Variants in ZMYM4 observed in about 807,000 individuals in gnomAD.
ZMYM4 encodes the protein zinc finger MYM-type containing 4, also known as zinc finger MYM-type protein 4.
ZMYM4 carries 31 observed loss-of-function variants against 183.2 expected under a neutral mutation model. That is an observed-to-expected ratio of 0.17 (90% CI 0.13 to 0.23). ZMYM4 has a LOEUF of 0.23. Ranked by LOEUF, ZMYM4 falls within the 10% of genes least tolerant of loss-of-function variation. ZMYM4 has a pLI of 1.00. For synonymous variants in ZMYM4, 592 were observed against 631.2 expected (o/e 0.94, Z 0.93); for missense variants, 1,273 against 1,840.3 (o/e 0.69, Z 5.64).
At chr1:35,272,107 ATGTGG>A (rs1639637699) in intron 1 of ZMYM4, among the ~76,000 whole-genome samples, 8 of 152,140 alleles carry the variant, frequency 5.3e-5, no homozygotes, top group Admixed American at 1.3e-4. Flanking sequence ...GCCAAATTAC[ATGTGG>A]ATTCCATATG....
chr1:35,279,472 A>G (rs967932801), intron 1 of ZMYM4, among the ~76,000 whole-genome samples: 2 of 152,198 alleles, frequency 1.3e-5, no homozygotes, highest in African/African-American at 4.8e-5. Context: ...TATCTTCAGC[A>G]TATGGTTGTC....
chr1:35,417,154 T>C (rs1248714581), intron 28 of ZMYM4, among the ~76,000 whole-genome samples: 5 of 151,864 alleles, frequency 3.3e-5, no homozygotes, highest in Non-Finnish European at 7.4e-5. Flanking sequence ...GGAGGATTGC[T>C]TGACCCCAGG....
chr1:35,413,186 G>T lies in ZMYM4; in HGVS notation c.3949-786G>T, dbSNP rs759748712. Among the ~76,000 whole-genome samples the T allele has an allele frequency of 1.3e-3, 204 of 151,918 alleles. 4 individuals are homozygous for T. Among genetic ancestry groups the T allele is most frequent in the African/African-American group, 4.4e-3 (182 of 41,348 alleles). On this transcript the variant is annotated intron_variant, in intron 26 of 29. Coordinates refer to ENST00000314607, the MANE Select transcript of ZMYM4 (RefSeq NM_005095.3). ...GACTCCCAAGCAGTTAGGACTACAGGCATGCACCACCACCCCTGGCTATTT... is the reference window on the plus strand; with the variant it reads ...GACTCCCAAGCAGTTAGGACTACAGTCATGCACCACCACCCCTGGCTATTT...
intron 7 of ZMYM4, among the ~76,000 whole-genome samples, chr1:35,380,886 T>C (rs899972138): frequency 1.3e-5 from 2 of 152,180 alleles, no homozygotes; most frequent in African/African-American, 4.8e-5. Flanking sequence ...TTGACAATGT[T>C]AAATGTAATA....
chr1:35,308,324 T>C (rs572584677), intron 1 of ZMYM4, among the ~76,000 whole-genome samples: 5 of 152,332 alleles, frequency 3.3e-5, no homozygotes, highest in Admixed American at 3.3e-4. Flanking sequence ...TTTATTCACT[T>C]AATAATATGT....
intron 1 of ZMYM4, among the ~76,000 whole-genome samples, chr1:35,275,916 C>T (rs1302965173): frequency 1.3e-5 from 2 of 152,148 alleles, no homozygotes; most frequent in Non-Finnish European, 2.9e-5. Context: ...CCTTCTCATA[C>T]CTATACCCAC....
At chr1:35,348,033 A>G (rs1028993251) in intron 2 of ZMYM4, among the ~76,000 whole-genome samples, 2 of 152,198 alleles carry the variant, frequency 1.3e-5, no homozygotes, top group Non-Finnish European at 2.9e-5. Context: ...CTTCTTGATC[A>G]TTGTTGCCAG....
At chr1:35,366,651 C>A (rs1284030702) in intron 5 of ZMYM4, among the ~76,000 whole-genome samples, 4 of 152,056 alleles carry the variant, frequency 2.6e-5, no homozygotes, top group Non-Finnish European at 5.9e-5. Flanking sequence ...ATATCAAATA[C>A]AACTTGAAAT....
rs183738927 is a variant in ZMYM4, at chr1:35,363,872, C to T, written c.840+2083C>T. ...TATATGAAGGGCAGATCTTGTATCT[C>T]TTCTCCTGCCCCAATGTGGGCATGC... is the stretch of plus-strand genomic sequence containing the variant. On this transcript the variant is annotated intron_variant, in intron 5 of 29. Coordinates refer to ENST00000314607, the MANE Select transcript of ZMYM4 (RefSeq NM_005095.3). Among the ~76,000 whole-genome samples, 14 of 152,292 alleles carry T rather than the reference C, an allele frequency of 9.2e-5. No homozygotes were observed. In the East Asian group the frequency reaches 2.5e-3, roughly 27 times the overall value.
At chr1:35,298,178 G>A (rs532888709) in intron 1 of ZMYM4, among the ~76,000 whole-genome samples, 14 of 152,284 alleles carry the variant, frequency 9.2e-5, no homozygotes, top group African/African-American at 2.6e-4. Context: ...GCTTTTGCTG[G>A]CAATTAAAAA....
chr1:35,287,815 A>G (rs1640579152), intron 1 of ZMYM4, among the ~76,000 whole-genome samples: 1 of 152,156 alleles, frequency 6.6e-6, no homozygotes, highest in Non-Finnish European at 1.5e-5. Context: ...CATGTTGGTC[A>G]GGCTGGTCTC....
rs531493373 is a variant in ZMYM4 at position 35,387,298 on chromosome 1, T to C, written c.2112+20T>C. ...TATAAGGTAAAGTATAGCATGTTCA[T>C]GATAAGATTTTGAGTATACGTGGGT... is the stretch of plus-strand genomic sequence containing the variant. On this transcript the variant is annotated intron_variant, in intron 12 of 29. Coordinates refer to ENST00000314607, the MANE Select transcript of ZMYM4 (RefSeq NM_005095.3). 6.2e-7 allele frequency: 1 copy of C among 1,608,602 alleles called. No homozygotes were observed. The highest frequency in any genetic ancestry group is 1.7e-5 in the Admixed American group (1 of 59,744).
intron 5 of ZMYM4, chr1:35,365,950 CATAA>C (rs1439576485): frequency 6.6e-6 from 1 of 152,054 alleles, no homozygotes; most frequent in Non-Finnish European, 1.5e-5. Context: ...TACTATATTA[CATAA>C]ATAATACGTA....
rs117166321 is a variant in ZMYM4 at position 35,353,121 on chromosome 1, C to T, written c.86-5804C>T. ...TGTGTTATTCTTGACTCCTTTCATA[C>T]CCCGCATCTCATATACGTATCAGGC... On this transcript the variant is annotated intron_variant, in intron 2 of 29. Coordinates refer to ENST00000314607, the MANE Select transcript of ZMYM4 (RefSeq NM_005095.3). 3.8e-4 allele frequency among the ~76,000 whole-genome samples: 58 copies of T among 152,302 alleles called. No individual in the cohort carries two copies. The East Asian group carries it at 5.8e-3, about 15-fold the overall frequency.
At chr1:35,418,416 C>G in intron 28 of ZMYM4, 27 bp from the exon 29 acceptor site, 1 of 1,609,932 alleles carries the variant, frequency 6.2e-7, no homozygotes, top group Non-Finnish European at 8.5e-7. Flanking sequence ...CTAATATAAT[C>G]CTTTGATTAT....
Position 35,389,912 on chromosome 1 carries a change from T to G in ZMYM4, c.2437-36T>G. The G allele has an allele frequency of 6.3e-7, 1 of 1,580,088 alleles. No homozygotes were observed. The highest frequency in any genetic ancestry group is 1.1e-5 in the South Asian group (1 of 87,454). ...TTTATTTTGTCAGACCACAGATAAT[T>G]TGTTTCTTACTCCTTGACTACCTTC... On this transcript the variant is annotated intron_variant, in intron 14 of 29. Transcript: ENST00000314607. This position sits in a 1 kb window ranked among gnomAD's most constrained non-coding sequence, Gnocchi z 4.0.
chr1:35,304,786 A>G (rs1036649394), intron 1 of ZMYM4, among the ~76,000 whole-genome samples: 9 of 151,786 alleles, frequency 5.9e-5, no homozygotes, highest in African/African-American at 1.5e-4. Flanking sequence ...TTTGATTTCT[A>G]TCGATGCTCT....
At chr1:35,335,347 C>T (rs1642927570) in intron 2 of ZMYM4, among the ~76,000 whole-genome samples, 1 of 151,964 alleles carries the variant, frequency 6.6e-6, no homozygotes, top group Admixed American at 6.6e-5. Flanking sequence ...AGTGATTCTC[C>T]TGCCTCAGCA....
chr1:35,381,505 C>T (rs1342651694), intron 8 of ZMYM4, 41 bp from the exon 9 acceptor site: 1 of 1,613,124 alleles, frequency 6.2e-7, no homozygotes, highest in Admixed American at 1.7e-5. Flanking sequence ...TTTTGATGCT[C>T]TCTGCTCCTT....
Sources: allele counts gnomAD v4.1 joint callset (sites outside exome capture counted in the v4.1 genomes callset), GRCh38; gene constraint gnomAD v4.1.1; non-coding constraint Gnocchi (gnomAD v3.1); transcripts MANE v1.5; gene names NCBI Gene and HGNC (gene_info 2026-07-23, HGNC 2026-07-21).